The following NAALADL2 variants were observed in gnomAD, a reference collection of about 807,000 sequenced individuals.
NAALADL2 encodes inactive N-acetylated-alpha-linked acidic dipeptidase-like protein 2.
NAALADL2 carries 76 observed loss-of-function variants against 87.2 expected under a neutral mutation model. That is an observed-to-expected ratio of 0.87 (90% confidence interval 0.72 to 1.05). The LOEUF (loss-of-function observed/expected upper bound fraction) is 1.05. Ranked by LOEUF, NAALADL2 falls within the 50% of genes least tolerant of loss-of-function variation. NAALADL2 has a pLI of 0.00. For synonymous variants in NAALADL2, 354 were observed against 331.0 expected (o/e 1.07, Z -0.75); for missense variants, 1,089 against 945.8 (o/e 1.15, Z -1.99).
intron 2 of NAALADL2, among the ~76,000 whole-genome samples, chr3:174,595,776 C>T (rs753749452): frequency 8.5e-5 from 13 of 152,066 alleles, no homozygotes; most frequent in Admixed American, 4.6e-4. Context: ...TTTGGGAGGC[C>T]GAGGCGGGCA....
intron 1 of NAALADL2, among the ~76,000 whole-genome samples, chr3:174,894,742 T>C (rs1731300282): frequency 6.6e-6 from 1 of 152,022 alleles, no homozygotes; most frequent in Non-Finnish European, 1.5e-5. Flanking sequence ...ATACACACTC[T>C]TTTTCTCAGC....
At chr3:175,170,576 G>A (rs1371557195) in intron 2 of NAALADL2, among the ~76,000 whole-genome samples, 2 of 149,710 alleles carry the variant, frequency 1.3e-5, no homozygotes, top group Non-Finnish European at 3.0e-5. Flanking sequence ...CACTTCAATG[G>A]CATATCATCT....
At chr3:175,788,982 A>T (rs907379377) in intron 13 of NAALADL2, among the ~76,000 whole-genome samples, 3 of 152,198 alleles carry the variant, frequency 2.0e-5, no homozygotes, top group African/African-American at 7.2e-5. Context: ...TTCAAAATTT[A>T]ATTTATATTT....
intron 3 of NAALADL2, among the ~76,000 whole-genome samples, chr3:174,792,080 G>C (rs1275304377): frequency 6.6e-6 from 1 of 152,052 alleles, no homozygotes; most frequent in Non-Finnish European, 1.5e-5. Flanking sequence ...CAAAAAACAG[G>C]CATGGTGGCA....
chr3:174,732,163 A>T (rs1406739600), intron 2 of NAALADL2, among the ~76,000 whole-genome samples: 1 of 152,150 alleles, frequency 6.6e-6, no homozygotes, highest in East Asian at 1.9e-4. Flanking sequence ...AATGTTCCCA[A>T]CTTAGAGCTA....
intron 10 of NAALADL2, among the ~76,000 whole-genome samples, chr3:175,620,115 C>T (rs1046962724): frequency 5.9e-5 from 9 of 151,946 alleles, no homozygotes; most frequent in African/African-American, 1.9e-4. Context: ...TAGGTTTGCA[C>T]TTACCCTTCC....
At chr3:175,350,843 A>G (rs1232465039) in intron 5 of NAALADL2, among the ~76,000 whole-genome samples, 1 of 152,188 alleles carries the variant, frequency 6.6e-6, no homozygotes, top group Non-Finnish European at 1.5e-5. Flanking sequence ...AAATTAAATT[A>G]ACTTACTGAA....
chr3:175,340,456 T>C (rs183552930), intron 5 of NAALADL2, among the ~76,000 whole-genome samples: 1 of 152,232 alleles, frequency 6.6e-6, no homozygotes, highest in East Asian at 1.9e-4. Context: ...GAGCCCTCGA[T>C]TGCTGGGATA....
At position 175,447,226 on chromosome 3, in the gene NAALADL2, C is replaced by A; in HGVS notation, c.1091-3C>A. ...ATTATCTTCCTTTGTCTTTTGAATA[C>A]AGATGAAAGTTTTAGACAAAGCCGA... On this transcript the variant is annotated splice_region_variant and splice_polypyrimidine_tract_variant and intron_variant, in intron 5 of 13. Coordinates refer to ENST00000454872, the MANE Select transcript of NAALADL2 (RefSeq NM_207015.3). 1 of 1,567,882 alleles carries A rather than the reference C, an allele frequency of 6.4e-7. No individual in the cohort carries two copies. Among genetic ancestry groups the A allele is most frequent in the Non-Finnish European group, 8.6e-7 (1 of 1,161,104 alleles).
intron 4 of NAALADL2, among the ~76,000 whole-genome samples, chr3:175,291,861 A>T (rs1477508973): frequency 1.3e-5 from 2 of 152,206 alleles, no homozygotes; most frequent in African/African-American, 4.8e-5. Context: ...GTATGCCTTG[A>T]GTGAATAAGA....
chr3:174,793,200 G>C (rs1717672427), intron 3 of NAALADL2, among the ~76,000 whole-genome samples: 1 of 151,850 alleles, frequency 6.6e-6, no homozygotes, highest in African/African-American at 2.4e-5. Flanking sequence ...AAACTTATTT[G>C]TATGATATGA....
At chr3:175,371,408 C>T (rs918889774) in intron 5 of NAALADL2, among the ~76,000 whole-genome samples, 13 of 152,018 alleles carry the variant, frequency 8.6e-5, no homozygotes, top group African/African-American at 3.1e-4. Flanking sequence ...GCTGGGATTA[C>T]AGGCGCCCGC....
chr3:174,489,852 A>T (rs1180918074), intron 1 of NAALADL2, among the ~76,000 whole-genome samples: 1 of 152,064 alleles, frequency 6.6e-6, no homozygotes, highest in Non-Finnish European at 1.5e-5. Flanking sequence ...ATATGTAGCA[A>T]GTATCGTACC....
At chr3:174,539,830 C>A (rs1238044736) in intron 1 of NAALADL2, among the ~76,000 whole-genome samples, 2 of 151,512 alleles carry the variant, frequency 1.3e-5, no homozygotes, top group Non-Finnish European at 2.9e-5. Context: ...AAAAACCTAG[C>A]TATATAGAAT....
At chr3:174,858,608 C>T (rs912096023), upstream of NAALADL2, among the ~76,000 whole-genome samples, 4 of 151,902 alleles carry the variant, frequency 2.6e-5, no homozygotes, top group African/African-American at 4.8e-5. Context: ...GATGTCAGTA[C>T]ATGATCTGGG....
At chr3:174,977,455 C>G (rs746938581) in intron 1 of NAALADL2, among the ~76,000 whole-genome samples, 1 of 152,124 alleles carries the variant, frequency 6.6e-6, no homozygotes, top group African/African-American at 2.4e-5. Flanking sequence ...AGTGACTTCA[C>G]CTTTTTCTGC....
At chr3:175,494,757 C>T (rs1039465114) in intron 9 of NAALADL2, among the ~76,000 whole-genome samples, 2 of 152,120 alleles carry the variant, frequency 1.3e-5, no homozygotes, top group African/African-American at 2.4e-5. Context: ...CATCGGGTAT[C>T]GCAGGCCTTC....
chr3:175,438,621 T>C (rs953570937), intron 5 of NAALADL2, among the ~76,000 whole-genome samples: 1 of 152,130 alleles, frequency 6.6e-6, no homozygotes, highest in Non-Finnish European at 1.5e-5. Flanking sequence ...ACAGTATTAA[T>C]ACTTTTAGTT....
chr3:175,727,813 T>C (rs1177023447), intron 11 of NAALADL2, among the ~76,000 whole-genome samples: 3 of 152,148 alleles, frequency 2.0e-5, no homozygotes, highest in Non-Finnish European at 4.4e-5. Context: ...TCCACCAAAA[T>C]TTTTCTGCAG....
Sources: allele counts gnomAD v4.1 joint callset (sites outside exome capture counted in the v4.1 genomes callset), GRCh38; gene constraint gnomAD v4.1.1; transcripts MANE v1.5; gene names NCBI Gene and HGNC (gene_info 2026-07-23, HGNC 2026-07-21).